The following CDH13 variants were observed in gnomAD, a reference collection of about 807,000 sequenced individuals.
CDH13 encodes cadherin-13.
CDH13 carries 24 observed loss-of-function variants against 63.8 expected under a neutral mutation model. That is an observed-to-expected ratio of 0.38 (90% CI 0.27 to 0.53). The LOEUF (loss-of-function observed/expected upper bound fraction) is 0.53, where lower values mean the gene tolerates loss of function less well. CDH13 is among the 20% of genes least tolerant of loss of function. The pLI is 0.85. For missense variants in CDH13, 1,049 were observed against 903.1 expected (o/e 1.16, Z -2.07); for synonymous variants, 503 against 355.3 (o/e 1.42, Z -4.67).
intron 2 of CDH13, among the ~76,000 whole-genome samples, chr16:83,005,713 C>G (rs1326005843): frequency 2.0e-5 from 3 of 152,230 alleles, no homozygotes; most frequent in Non-Finnish European, 2.9e-5. Flanking sequence ...AATTGGTTCT[C>G]TGACTCCAAC....
chr16:83,184,489 T>C (rs1476810797), intron 4 of CDH13, among the ~76,000 whole-genome samples: 1 of 152,022 alleles, frequency 6.6e-6, no homozygotes, highest in Non-Finnish European at 1.5e-5. Flanking sequence ...GTGCGGTGGC[T>C]CACACCTGTA....
chr16:83,695,945 AGTG>A (rs1212818368), intron 10 of CDH13, among the ~76,000 whole-genome samples: 3 of 150,886 alleles, frequency 2.0e-5, no homozygotes, highest in African/African-American at 7.3e-5. Context: ...GATGGCCTGC[AGTG>A]GTGCAGTCTC....
At position 83,304,438 on chromosome 16, in the gene CDH13, T is replaced by G. The variant is rs186935276; in HGVS notation, c.637-40424T>G. On this transcript the variant is annotated intron_variant, in intron 5 of 13. Transcript: ENST00000567109. ...GAAGGAGCTCAAGGTGATTATTCTG[T>G]TTTTTTTTCTGGGATTTTCAAGCTT... Among the ~76,000 whole-genome samples the G allele has an allele frequency of 1.4e-3, 197 of 142,874 alleles. 1 individual carries two copies. Among genetic ancestry groups the G allele is most frequent in the African/African-American group, 4.2e-3 (168 of 40,406 alleles). 93.7% of individuals were successfully genotyped at this position (142,874 alleles called of 152,430 possible).
intron 5 of CDH13, among the ~76,000 whole-genome samples, chr16:83,299,275 ATTGT>A (rs1048139158): frequency 7.6e-6 from 1 of 131,074 alleles, no homozygotes. Flanking sequence ...GCTTGCTTGG[ATTGT>A]TTATCAGGCC....
At chr16:83,260,657 A>C (rs16959987) in intron 5 of CDH13, among the ~76,000 whole-genome samples, 10,367 of 152,258 alleles carry the variant, frequency 0.068, 489 homozygotes, top group East Asian at 0.23. Context: ...ACTGAACAGC[A>C]AAGGAAGAGA....
At chr16:82,787,089 A>G (rs569654475) in intron 1 of CDH13, among the ~76,000 whole-genome samples, 3 of 152,278 alleles carry the variant, frequency 2.0e-5, no homozygotes, top group South Asian at 2.1e-4. Flanking sequence ...ATAAAATACT[A>G]TTTTATCTCA....
At chr16:82,870,335 G>A (rs559111267) in intron 2 of CDH13, among the ~76,000 whole-genome samples, 2 of 152,178 alleles carry the variant, frequency 1.3e-5, no homozygotes, top group East Asian at 3.9e-4. Context: ...GTGAGGGGGT[G>A]GAGAAAAGGA....
rs934780476 is a variant in CDH13, at chr16:83,074,654, G to T, written c.366+42436G>T. Among the ~76,000 whole-genome samples, 4 of 152,158 alleles carry T rather than the reference G, an allele frequency of 2.6e-5. 1 individual carries two copies. The highest frequency in any genetic ancestry group is 4.1e-4 in the South Asian group (2 of 4,834). On this transcript the variant is annotated intron_variant, in intron 3 of 13. Coordinates refer to ENST00000567109, the MANE Select transcript of CDH13 (RefSeq NM_001257.5). ...TTTCCTTTTCTCCACATCCTTGCTA[G>T]CATCTGTTATTTTTTGCAATGACTG...
chr16:83,422,255 C>A (rs1184936447), intron 6 of CDH13, among the ~76,000 whole-genome samples: 1 of 152,106 alleles, frequency 6.6e-6, no homozygotes, highest in Non-Finnish European at 1.5e-5. Flanking sequence ...GATGTTGTAT[C>A]ATTGAACTAA....
At chr16:83,272,654 C>G (rs16960065) in intron 5 of CDH13, among the ~76,000 whole-genome samples, 12,569 of 152,142 alleles carry the variant, frequency 0.083, 582 homozygotes, top group East Asian at 0.16. Context: ...TAATCATTTG[C>G]GTTAATAGGT....
intron 1 of CDH13, among the ~76,000 whole-genome samples, chr16:82,694,439 G>T (rs1274521315): frequency 2.6e-5 from 4 of 152,102 alleles, no homozygotes; most frequent in Non-Finnish European, 5.9e-5. Context: ...TATTCTTCTT[G>T]GGTAATTGCC....
At chr16:83,284,193 G>C (rs2151859185) in intron 5 of CDH13, among the ~76,000 whole-genome samples, 1 of 152,216 alleles carries the variant, frequency 6.6e-6, no homozygotes, top group East Asian at 1.9e-4. Flanking sequence ...GTTGGACTTT[G>C]GTAAACACCC....
intron 6 of CDH13, among the ~76,000 whole-genome samples, chr16:83,481,414 C>T (rs557118090): frequency 1.2e-4 from 18 of 152,284 alleles, no homozygotes; most frequent in African/African-American, 4.3e-4. Flanking sequence ...CTGAAAACCC[C>T]CCGTCACTCT....
chr16:83,159,970 G>A (rs2037377013), intron 4 of CDH13, among the ~76,000 whole-genome samples: 1 of 152,086 alleles, frequency 6.6e-6, no homozygotes, highest in African/African-American at 2.4e-5. Flanking sequence ...CAGCTACTCA[G>A]GAGGCTGAGG....
intron 2 of CDH13, among the ~76,000 whole-genome samples, chr16:83,013,296 AG>A (rs1914346984): frequency 6.6e-6 from 1 of 152,198 alleles, no homozygotes; most frequent in South Asian, 2.1e-4. Flanking sequence ...TTTGACATGC[AG>A]GTTGTAGATT....
chr16:82,735,028 G>C (rs1428175038), intron 1 of CDH13, among the ~76,000 whole-genome samples: 1 of 152,162 alleles, frequency 6.6e-6, no homozygotes, highest in Non-Finnish European at 1.5e-5. Flanking sequence ...GAGAGATGAA[G>C]GTGGCTTGAA....
chr16:83,227,238 C>A (rs1417302001), intron 5 of CDH13, among the ~76,000 whole-genome samples: 1 of 152,188 alleles, frequency 6.6e-6, no homozygotes. Flanking sequence ...AAGAGAGGCC[C>A]CCTCTGACAC....
chr16:83,318,053 C>G (rs940340457), intron 5 of CDH13, among the ~76,000 whole-genome samples: 2 of 152,118 alleles, frequency 1.3e-5, no homozygotes, highest in African/African-American at 4.8e-5. Context: ...TCAGTTTTCC[C>G]TCTGTGAAGT....
intron 8 of CDH13, among the ~76,000 whole-genome samples, chr16:83,667,400 C>G (rs1260388531): frequency 6.6e-6 from 1 of 151,956 alleles, no homozygotes; most frequent in Non-Finnish European, 1.5e-5. Flanking sequence ...ATTCATCCAC[C>G]CATCCACCCA....
Sources: allele counts gnomAD v4.1 joint callset (sites outside exome capture counted in the v4.1 genomes callset), GRCh38; gene constraint gnomAD v4.1.1; transcripts MANE v1.5; gene names NCBI Gene and HGNC (gene_info 2026-07-23, HGNC 2026-07-21).